TMEM177: variants seen among roughly 807,000 people sequenced by gnomAD.
TMEM177 encodes transmembrane protein 177.
A neutral mutation model predicts 14.2 loss-of-function variants in TMEM177; 4 were observed. The observed-to-expected ratio is 0.28, with a 90% confidence interval of 0.14 to 0.64. The LOEUF (loss-of-function observed/expected upper bound fraction) is 0.64. Among genes scored for constraint, TMEM177 ranks in the 30% least tolerant of loss-of-function variants. The pLI is 0.82. For synonymous variants in TMEM177, 179 were observed against 174.5 expected, an observed-to-expected ratio of 1.03 and a Z score of -0.20; for missense variants, 344 against 405.2, an observed-to-expected ratio of 0.85 and a Z score of 1.30.
At chr2:119,682,271 C>A (rs911093730), downstream of TMEM177, among the ~76,000 whole-genome samples, 3 of 152,002 alleles carry the variant, frequency 2.0e-5, no homozygotes, top group Non-Finnish European at 4.4e-5. Context: ...CAGGCGTGAG[C>A]CACCTCGCCC....
At chr2:119,698,299 G>A in the TMEM177 span, among the ~76,000 whole-genome samples, 1 of 152,206 alleles carries the variant, frequency 6.6e-6, no homozygotes, top group Non-Finnish European at 1.5e-5. Flanking sequence ...ACTTCAGAGA[G>A]ATCCCCTCCC....
At chr2:119,716,254 G>T in the TMEM177 span, among the ~76,000 whole-genome samples, 10 of 152,162 alleles carry the variant, frequency 6.6e-5, no homozygotes, top group Non-Finnish European at 1.5e-4. Flanking sequence ...CTTCCACGTG[G>T]CCTGCGAGTG....
At chr2:119,692,817 A>T in the TMEM177 span, among the ~76,000 whole-genome samples, 1 of 152,082 alleles carries the variant, frequency 6.6e-6, no homozygotes, top group African/African-American at 2.4e-5. Context: ...TACTAAAAGT[A>T]CAAAAATTAG....
At chr2:119,693,916 TC>T in the TMEM177 span, among the ~76,000 whole-genome samples, 2 of 2,706 alleles carry the variant, frequency 7.4e-4, no homozygotes, top group African/African-American at 2.6e-3. Context: ...CACATACACA[TC>T]ACACATGCCA....
the TMEM177 span, among the ~76,000 whole-genome samples, chr2:119,709,908 C>A: frequency 6.6e-6 from 1 of 152,016 alleles, no homozygotes; most frequent in African/African-American, 2.4e-5. Flanking sequence ...GGAAAGAAGA[C>A]CCAAAAGAAA....
At chr2:119,694,637 C>G in the TMEM177 span, among the ~76,000 whole-genome samples, 3 of 152,304 alleles carry the variant, frequency 2.0e-5, no homozygotes, top group South Asian at 2.1e-4. Flanking sequence ...CTGCTCTGGC[C>G]GGTGGATTTC....
the TMEM177 span, among the ~76,000 whole-genome samples, chr2:119,709,683 G>A: frequency 1.3e-5 from 2 of 152,182 alleles, no homozygotes; most frequent in Admixed American, 1.3e-4. Context: ...AAATTAGCCG[G>A]GTGTAGTGGT....
chr2:119,696,854 G>A, the TMEM177 span, among the ~76,000 whole-genome samples: 1 of 152,292 alleles, frequency 6.6e-6, no homozygotes, highest in Admixed American at 6.5e-5. Flanking sequence ...AAATGACGTT[G>A]GGGAGGTGGG....
the TMEM177 span, among the ~76,000 whole-genome samples, chr2:119,698,050 G>C: frequency 6.6e-6 from 1 of 152,150 alleles, no homozygotes; most frequent in Non-Finnish European, 1.5e-5. Context: ...CTGAGCTCCA[G>C]GGGAGGCAAT....
chr2:119,693,140 G>T, the TMEM177 span, among the ~76,000 whole-genome samples: 2 of 152,198 alleles, frequency 1.3e-5, no homozygotes, highest in Non-Finnish European at 1.5e-5. Flanking sequence ...TGTCCAGGTT[G>T]TGTCCACAGT....
At chr2:119,700,849 T>C in the TMEM177 span, among the ~76,000 whole-genome samples, 7 of 152,368 alleles carry the variant, frequency 4.6e-5, no homozygotes, top group African/African-American at 1.7e-4. Flanking sequence ...GCCTCTTTCA[T>C]GAATAGGTAA....
At chr2:119,686,965 G>T (rs759461468), downstream of TMEM177, among the ~76,000 whole-genome samples, 2 of 152,182 alleles carry the variant, frequency 1.3e-5, no homozygotes, top group African/African-American at 2.4e-5. Flanking sequence ...GTGTTAGGCA[G>T]CTTTTAAGAT....
downstream of TMEM177, among the ~76,000 whole-genome samples, chr2:119,690,927 C>T (rs1388212922): frequency 3.3e-5 from 5 of 152,242 alleles, no homozygotes; most frequent in African/African-American, 9.6e-5. Flanking sequence ...CCCTTTTCCC[C>T]CACAGCAGGG....
the TMEM177 span, among the ~76,000 whole-genome samples, chr2:119,709,992 G>GGGGAAAT: frequency 6.6e-6 from 1 of 152,134 alleles, no homozygotes; most frequent in Non-Finnish European, 1.5e-5. Context: ...ACTGGGGAAA[G>GGGGAAAT]GGGAAATGGG....
chr2:119,700,430 G>T, the TMEM177 span, among the ~76,000 whole-genome samples: 1 of 152,214 alleles, frequency 6.6e-6, no homozygotes, highest in Non-Finnish European at 1.5e-5. Flanking sequence ...ACTCGAGCTT[G>T]TCCACATGGA....
rs374661688 is a variant in TMEM177 at position 119,681,237 on chromosome 2, A to G, written c.384A>G (p.Thr128=). 6 of 1,614,270 alleles carry G rather than the reference A, an allele frequency of 3.7e-6. No individual in the cohort carries two copies. The highest frequency in any genetic ancestry group is 4.2e-6 in the Non-Finnish European group (5 of 1,180,050). ...TNHPVVIHGH[T]VDWRSPAGAR... is the part of the protein sequence containing the mutation. ...ATCCCGTGGTCATACATGGGCATAC[A>G]GTGGACTGGCGGAGCCCAGCAGGCG... is the stretch of plus-strand genomic sequence containing the variant. The change falls in exon 2 of 2, where the codon ACA becomes ACG. Residue 128 remains threonine, a synonymous_variant. Transcript: ENST00000272521.
chr2:119,679,345 G>A (rs950806830), intron 1 of TMEM177, 69 bp downstream of exon 1: 2 of 152,350 alleles, frequency 1.3e-5, no homozygotes, highest in South Asian at 2.1e-4. Flanking sequence ...CCCTCTGCGG[G>A]GCTCCTGCAG....
chr2:119,702,294 T>C, the TMEM177 span, among the ~76,000 whole-genome samples: 34 of 152,198 alleles, frequency 2.2e-4, no homozygotes, highest in Non-Finnish European at 4.1e-4. Context: ...TCAGTTATAA[T>C]ATTGCAAAGG....
the TMEM177 span, among the ~76,000 whole-genome samples, chr2:119,704,800 G>A: frequency 6.6e-6 from 1 of 152,202 alleles, no homozygotes; most frequent in Non-Finnish European, 1.5e-5. Context: ...ACCACTGTGT[G>A]ACCTCAGTGT....
Sources: gnomAD v4.1 joint callset for allele counts (sites outside exome capture counted in the v4.1 genomes callset) on GRCh38, gnomAD v4.1.1 for gene constraint, MANE v1.5 for transcripts, NCBI Gene and HGNC (gene_info 2026-07-23, HGNC 2026-07-21) for gene names.